Variants in SCFD2 observed in about 807,000 individuals in gnomAD.
SCFD2 encodes the protein sec1 family domain-containing protein 2.
Under a neutral mutation model 58.9 loss-of-function variants are expected in SCFD2, and 54 were observed. The ratio of observed to expected loss-of-function variants is 0.92; its 90% CI spans 0.74 to 1.15. The LOEUF (loss-of-function observed/expected upper bound fraction) is 1.15, where lower values mean the gene tolerates loss of function less well. Ranked by LOEUF, SCFD2 falls within the 50% of genes most tolerant of loss-of-function variation. The pLI is 0.00. For synonymous variants in SCFD2, 321 were observed against 335.9 expected, an observed-to-expected ratio of 0.96 and a Z score of 0.49; for missense variants, 805 against 836.6, an observed-to-expected ratio of 0.96 and a Z score of 0.47.
chr4:53,227,550 G>A (rs2412401), intron 4 of SCFD2, among the ~76,000 whole-genome samples: 64,104 of 151,996 alleles, frequency 0.42, 14,904 homozygotes, highest in Non-Finnish European at 0.5. Context: ...GTCTTTGCAT[G>A]AATTTAAAAA....
At chr4:53,361,987 C>T (rs919955954) in intron 1 of SCFD2, among the ~76,000 whole-genome samples, 1 of 152,086 alleles carries the variant, frequency 6.6e-6, no homozygotes, top group African/African-American at 2.4e-5. Flanking sequence ...GGTACTCTTG[C>T]TGGTTAATAA....
intron 5 of SCFD2, among the ~76,000 whole-genome samples, chr4:53,068,114 G>A (rs1405495647): frequency 1.3e-5 from 2 of 152,000 alleles, no homozygotes; most frequent in Non-Finnish European, 2.9e-5. Context: ...GTGATCATGA[G>A]ACAATAAAAG....
In SCFD2 at chr4:53,175,450, A is replaced by G. The variant is rs185491759; in HGVS notation, c.1312-29868T>C. Reference sequence around the variant, plus strand: ...ATTATTTTAATCTGCAAGTAATTCAATGAGTTCATATAACTACTTCTGAAA... The same window carrying G: ...ATTATTTTAATCTGCAAGTAATTCAGTGAGTTCATATAACTACTTCTGAAA... On this transcript the variant is annotated intron_variant, in intron 4 of 8. Transcript: ENST00000401642. Among the ~76,000 whole-genome samples the G allele has an allele frequency of 5.9e-4, 90 of 152,338 alleles. No homozygotes were observed. The Middle Eastern group carries it at 0.014, about 23-fold the overall frequency.
At chr4:53,003,105 C>G (rs140673859) in intron 5 of SCFD2, among the ~76,000 whole-genome samples, 124 of 152,350 alleles carry the variant, frequency 8.1e-4, no homozygotes, top group African/African-American at 2.8e-3. Context: ...ACCACCAACA[C>G]GGGATTACAA....
chr4:53,214,309 A>G (rs1374369642), intron 4 of SCFD2, among the ~76,000 whole-genome samples: 1 of 150,804 alleles, frequency 6.6e-6, no homozygotes, highest in African/African-American at 2.5e-5. Flanking sequence ...ACATCCTCCC[A>G]GCACCTATTG....
intron 4 of SCFD2, among the ~76,000 whole-genome samples, chr4:53,164,804 A>AAAAAGAAGAAGAAG (rs1553882340): frequency 6.9e-6 from 1 of 143,892 alleles, no homozygotes; most frequent in Non-Finnish European, 1.5e-5. Context: ...AAAAAAAAAA[A>AAAAAGAAGAAGAAG]AAGAAGAAGA....
At chr4:53,244,158 C>A (rs1729988573) in intron 4 of SCFD2, among the ~76,000 whole-genome samples, 1 of 151,994 alleles carries the variant, frequency 6.6e-6, no homozygotes, top group African/African-American at 2.4e-5. Flanking sequence ...CTTCGACACT[C>A]CACTGACAGT....
chr4:53,311,643 A>T (rs11432350), intron 3 of SCFD2, among the ~76,000 whole-genome samples: 88,331 of 150,178 alleles, frequency 0.59, 25,993 homozygotes, highest in Middle Eastern at 0.66. Flanking sequence ...TTGATTCACA[A>T]TTTTTTTTTT....
At chr4:53,332,759 A>C (rs1252169986) in intron 2 of SCFD2, among the ~76,000 whole-genome samples, 1 of 151,858 alleles carries the variant, frequency 6.6e-6, no homozygotes, top group Non-Finnish European at 1.5e-5. Context: ...GCAATTAGGC[A>C]GGAGAAGGAA....
intron 1 of SCFD2, among the ~76,000 whole-genome samples, chr4:53,353,324 G>C (rs988419787): frequency 6.6e-6 from 1 of 152,126 alleles, no homozygotes; most frequent in Non-Finnish European, 1.5e-5. Flanking sequence ...CTGGCCTTAG[G>C]AGTGAAGCTG....
At chr4:53,176,333 T>A (rs985584022) in intron 4 of SCFD2, among the ~76,000 whole-genome samples, 1 of 152,212 alleles carries the variant, frequency 6.6e-6, no homozygotes, top group Non-Finnish European at 1.5e-5. Flanking sequence ...TTTTGTGAAC[T>A]GGTAGAATAT....
intron 2 of SCFD2, among the ~76,000 whole-genome samples, chr4:53,341,993 C>A (rs1197594929): frequency 6.6e-6 from 1 of 152,204 alleles, no homozygotes; most frequent in African/African-American, 2.4e-5. Context: ...GTACCAGCCA[C>A]TGCAGAAACA....
At chr4:53,011,104 C>T (rs1292017557) in intron 5 of SCFD2, among the ~76,000 whole-genome samples, 1 of 152,180 alleles carries the variant, frequency 6.6e-6, no homozygotes, top group East Asian at 1.9e-4. Context: ...CTAAAAAAGG[C>T]AGACATCAGA....
chr4:53,092,423 T>C (rs1724498980), intron 5 of SCFD2, among the ~76,000 whole-genome samples: 1 of 152,094 alleles, frequency 6.6e-6, no homozygotes, highest in Non-Finnish European at 1.5e-5. Flanking sequence ...CCAAACAAAC[T>C]AGCAATTACA....
intron 3 of SCFD2, among the ~76,000 whole-genome samples, chr4:53,302,754 T>C (rs1237550197): frequency 1.3e-5 from 2 of 152,088 alleles, no homozygotes; most frequent in Admixed American, 6.6e-5. Context: ...AAAACAGACA[T>C]ATAGACCAAT....
chr4:53,039,987 T>C (rs1722855124), intron 5 of SCFD2, among the ~76,000 whole-genome samples: 1 of 152,178 alleles, frequency 6.6e-6, no homozygotes, highest in African/African-American at 2.4e-5. Flanking sequence ...CTTGAACTGG[T>C]AATTACATGA....
chr4:53,108,180 C>T (rs1203033339), intron 5 of SCFD2, among the ~76,000 whole-genome samples: 6 of 152,080 alleles, frequency 3.9e-5, no homozygotes. Flanking sequence ...TCAATGAGAA[C>T]AAAGACACAA....
At position 53,152,987 on chromosome 4, in the gene SCFD2, GCC is replaced by G. The variant is rs369628318; in HGVS notation, c.1312-7407_1312-7406del. Among the ~76,000 whole-genome samples the G allele has an allele frequency of 3.8e-3, 584 of 152,306 alleles. 2 individuals are homozygous for G. The highest frequency in any genetic ancestry group is 6.4e-3 in the Non-Finnish European group (432 of 68,022). ...GGCTCCCAAGGCCTTTGACAGCCCT[GCC>G]CCTGTGGCTTTGAAGGGTGCAACCA... On this transcript the variant is annotated intron_variant, in intron 4 of 8. Coordinates refer to ENST00000401642, the MANE Select transcript of SCFD2 (RefSeq NM_152540.4).
At chr4:52,877,292 C>G (rs1718496221) in intron 8 of SCFD2, among the ~76,000 whole-genome samples, 1 of 152,118 alleles carries the variant, frequency 6.6e-6, no homozygotes, top group Admixed American at 6.5e-5. Flanking sequence ...CAGAGGCTGT[C>G]TGGGGCCTGC....
Sources: gnomAD v4.1 joint callset for allele counts (sites outside exome capture counted in the v4.1 genomes callset) on GRCh38, gnomAD v4.1.1 for gene constraint, MANE v1.5 for transcripts, NCBI Gene and HGNC (gene_info 2026-07-23, HGNC 2026-07-21) for gene names.